The following LHFPL3 variants were observed in gnomAD, a reference collection of about 807,000 sequenced individuals.
LHFPL3 encodes the protein LHFPL tetraspan subfamily member 3 protein.
In LHFPL3, 5 loss-of-function variants were observed where a neutral mutation model predicts 19.3. The ratio of observed to expected loss-of-function variants is 0.26; its 90% confidence interval spans 0.14 to 0.54. The LOEUF is 0.54. Ranked by LOEUF, LHFPL3 falls within the 20% of genes least tolerant of loss-of-function variation. LHFPL3 has a pLI of 0.94. For synonymous variants in LHFPL3, 133 were observed against 126.2 expected, an observed-to-expected ratio of 1.05 and a Z score of -0.36; for missense variants, 249 against 307.4, an observed-to-expected ratio of 0.81 and a Z score of 1.42.
intron 2 of LHFPL3, among the ~76,000 whole-genome samples, chr7:104,832,896 G>C (rs1375162273): frequency 7.4e-6 from 1 of 135,782 alleles, no homozygotes; most frequent in Non-Finnish European, 1.5e-5. Flanking sequence ...AGAATTGCTT[G>C]AACCTGGGAG....
Position 104,880,671 on chromosome 7 carries a change from G to GAA in LHFPL3, c.683-25504_683-25503dup, listed in dbSNP as rs969936856. Among the ~76,000 whole-genome samples, 761 of 132,824 alleles carry GAA rather than the reference G, an allele frequency of 5.7e-3. 8 individuals carry two copies. The highest frequency in any genetic ancestry group is 0.02 in the African/African-American group (725 of 36,412). The allele number at this position is 132,824 out of a possible 152,430, so 87.1% of individuals were successfully genotyped here. ...GCCCACTGTTGAGACCTACTGCTGA[G>GAA]AAAAAAAAAAAAAGATTCCTTTCAA... On this transcript the variant is annotated intron_variant, in intron 2 of 2. Coordinates refer to ENST00000424859, the MANE Select transcript of LHFPL3 (RefSeq NM_199000.3).
intron 1 of LHFPL3, among the ~76,000 whole-genome samples, chr7:104,497,547 T>C (rs1004169129): frequency 1.3e-5 from 2 of 151,906 alleles, no homozygotes; most frequent in Admixed American, 6.6e-5. Context: ...GCCTCTGATA[T>C]GCATTTTGGG....
chr7:104,592,067 C>T (rs1346967030), intron 1 of LHFPL3, among the ~76,000 whole-genome samples: 2 of 152,150 alleles, frequency 1.3e-5, no homozygotes, highest in Non-Finnish European at 2.9e-5. Context: ...CGAACATCCT[C>T]CTTTAGCTCA....
intron 1 of LHFPL3, among the ~76,000 whole-genome samples, chr7:104,702,434 C>T (rs906587124): frequency 2.0e-5 from 3 of 152,110 alleles, no homozygotes; most frequent in African/African-American, 4.8e-5. Context: ...TTTCCACTCA[C>T]GATTCAGAAT....
intron 1 of LHFPL3, among the ~76,000 whole-genome samples, chr7:104,335,758 G>T (rs1030771437): frequency 6.6e-6 from 1 of 151,810 alleles, no homozygotes; most frequent in African/African-American, 2.4e-5. Flanking sequence ...ATTTTTGTTT[G>T]GCATGTTGCT....
intron 2 of LHFPL3, among the ~76,000 whole-genome samples, chr7:104,863,413 G>C (rs564714587): frequency 6.6e-6 from 1 of 152,200 alleles, no homozygotes; most frequent in Admixed American, 6.5e-5. Flanking sequence ...TAAGCCTCTG[G>C]GTTTTTTTCC....
At chr7:104,585,158 T>G (rs555323001) in intron 1 of LHFPL3, among the ~76,000 whole-genome samples, 1 of 152,164 alleles carries the variant, frequency 6.6e-6, no homozygotes, top group Admixed American at 6.6e-5. Context: ...CTCCTCCTAC[T>G]GTCTGCCCTC....
intron 1 of LHFPL3, among the ~76,000 whole-genome samples, chr7:104,495,375 TTA>T (rs2115708097): frequency 8.3e-6 from 1 of 119,764 alleles, no homozygotes; most frequent in African/African-American, 2.7e-5. Flanking sequence ...GTCTGGCTAT[TTA>T]AAAAAAAAAT....
At chr7:104,608,683 G>A (rs1189522317) in intron 1 of LHFPL3, among the ~76,000 whole-genome samples, 1 of 152,134 alleles carries the variant, frequency 6.6e-6, no homozygotes, top group African/African-American at 2.4e-5. Context: ...GGGGTGCCAA[G>A]CCTAAGACCA....
intron 2 of LHFPL3, among the ~76,000 whole-genome samples, chr7:104,877,402 A>C (rs1032641195): frequency 1.3e-5 from 2 of 152,240 alleles, no homozygotes; most frequent in African/African-American, 4.8e-5. Context: ...ACAGCTTTTA[A>C]AACTCTACAA....
intron 1 of LHFPL3, among the ~76,000 whole-genome samples, chr7:104,407,612 C>T (rs1324235510): frequency 3.3e-5 from 5 of 152,136 alleles, no homozygotes; most frequent in African/African-American, 2.4e-5. Context: ...GCTGAGATTG[C>T]GCCATTGCAC....
chr7:104,440,820 G>A (rs1187284113), intron 1 of LHFPL3, among the ~76,000 whole-genome samples: 1 of 151,918 alleles, frequency 6.6e-6, no homozygotes, highest in African/African-American at 2.4e-5. Flanking sequence ...TGAGACAAGC[G>A]GTTCATTTAT....
intron 1 of LHFPL3, among the ~76,000 whole-genome samples, chr7:104,352,799 C>T (rs1341647432): frequency 1.3e-5 from 2 of 152,206 alleles, no homozygotes; most frequent in Non-Finnish European, 2.9e-5. Context: ...TCCACATCTC[C>T]AGCCAAGGGT....
At chr7:104,390,636 A>G (rs1412812062) in intron 1 of LHFPL3, among the ~76,000 whole-genome samples, 1 of 152,280 alleles carries the variant, frequency 6.6e-6, no homozygotes, top group African/African-American at 2.4e-5. Flanking sequence ...TAGTGCCACA[A>G]TAAACATATG....
At chr7:104,518,550 G>C (rs1439128225) in intron 1 of LHFPL3, among the ~76,000 whole-genome samples, 1 of 152,118 alleles carries the variant, frequency 6.6e-6, no homozygotes, top group Non-Finnish European at 1.5e-5. Flanking sequence ...TTGGGAGGCT[G>C]AGGCAGGCAG....
chr7:104,558,422 A>G (rs1293729861), intron 1 of LHFPL3, among the ~76,000 whole-genome samples: 6 of 151,734 alleles, frequency 4.0e-5, no homozygotes, highest in African/African-American at 1.5e-4. Flanking sequence ...CATTTCTCTG[A>G]TGGCCAGTGA....
rs151307556 is a variant in LHFPL3 at position 104,702,901 on chromosome 7, C to T, written c.446-33774C>T. 3.1e-3 allele frequency among the ~76,000 whole-genome samples: 467 copies of T among 152,338 alleles called. 1 individual carries two copies. The highest frequency in any genetic ancestry group is 3.5e-3 in the Admixed American group (54 of 15,300). On this transcript the variant is annotated intron_variant, in intron 1 of 2. Transcript: ENST00000424859. ...TGCTTGTCTAACTGTTCCCATGCTT[C>T]AGGAAAATCCTGGAAGGTCCCAGCT... is the stretch of plus-strand genomic sequence containing the variant.
intron 1 of LHFPL3, among the ~76,000 whole-genome samples, chr7:104,380,574 G>C (rs953278012): frequency 1.3e-5 from 2 of 152,020 alleles, no homozygotes; most frequent in Non-Finnish European, 2.9e-5. Context: ...ATATTTTTGA[G>C]TTTCAAGAGT....
chr7:104,661,260 A>G (rs1562960276), intron 1 of LHFPL3, among the ~76,000 whole-genome samples: 1 of 152,212 alleles, frequency 6.6e-6, no homozygotes, highest in Non-Finnish European at 1.5e-5. Context: ...CAGAAGTGTC[A>G]CTGCATTGGC....
Sources: allele counts gnomAD v4.1 joint callset (sites outside exome capture counted in the v4.1 genomes callset), GRCh38; gene constraint gnomAD v4.1.1; transcripts MANE v1.5; gene names NCBI Gene and HGNC (gene_info 2026-07-23, HGNC 2026-07-21).